Variants in ENTPD6 observed in about 807,000 individuals in gnomAD.
The protein encoded by ENTPD6 is ectonucleoside triphosphate diphosphohydrolase 6, also known as CD39 antigen-like 2.
Under a neutral mutation model 61.5 loss-of-function variants are expected in ENTPD6, and 46 were observed. The observed-to-expected ratio is 0.75, with a 90% confidence interval of 0.59 to 0.96. The LOEUF (loss-of-function observed/expected upper bound fraction) is 0.96, where lower values mean the gene tolerates loss of function less well. Ranked by LOEUF, ENTPD6 falls within the 40% of genes least tolerant of loss-of-function variation. The pLI, the probability that ENTPD6 is intolerant of heterozygous loss-of-function variation, is 0.00. For synonymous variants in ENTPD6, 252 were observed against 255.5 expected (o/e 0.99, Z 0.13); for missense variants, 612 against 629.0 (o/e 0.97, Z 0.29).
rs115039993 is a variant in ENTPD6, at chr20:25,225,076, G to A, written c.1244-129G>A. 3.3e-3 allele frequency: 4,649 copies of A among 1,423,288 alleles called. 94 individuals are homozygous for A. The African/African-American group carries it at 0.051, about 16-fold the overall frequency. The allele number at this position is 1,423,288 out of a possible 1,614,324, so 88.2% of individuals were successfully genotyped here. ...CTGGGTGCCTTCTGCGCTCAGCTGCGGCCTTGTCTGTGAATCCGGAGTGCG... is the reference window on the plus strand; with the variant it reads ...CTGGGTGCCTTCTGCGCTCAGCTGCAGCCTTGTCTGTGAATCCGGAGTGCG... On this transcript the variant is annotated intron_variant, in intron 13 of 14. Transcript: ENST00000376652.
intron 10 of ENTPD6, among the ~76,000 whole-genome samples, chr20:25,218,891 A>C (rs995220807): frequency 6.6e-6 from 1 of 152,098 alleles, no homozygotes; most frequent in African/African-American, 2.4e-5. Context: ...TTCTTTCTTT[A>C]TTTTGAGACA....
intron 10 of ENTPD6, among the ~76,000 whole-genome samples, chr20:25,220,527 C>T (rs1380811774): frequency 6.6e-6 from 1 of 152,184 alleles, no homozygotes; most frequent in Admixed American, 6.5e-5. Context: ...TCCTGAGGGT[C>T]TGTGCACGTG....
rs757065847 is a variant in ENTPD6, at chr20:25,213,366, G to A, written c.557G>A (p.Arg186His). The A allele has an allele frequency of 1.3e-5, 21 of 1,613,728 alleles. No homozygotes were observed. The highest frequency in any genetic ancestry group is 1.0e-4 in the Admixed American group (6 of 59,962). ...GTCCTCAAGGCCACAGCTGGCTTACGCCTGTTACCTGGAGAAAAGGCCCAG... is the reference window on the plus strand; with the variant it reads ...GTCCTCAAGGCCACAGCTGGCTTACACCTGTTACCTGGAGAAAAGGCCCAG... Reference protein sequence around the residue: ...PLVLKATAGLRLLPGEKAQKL... With the variant: ...PLVLKATAGLHLLPGEKAQKL... The change falls in exon 5 of 15, where the codon CGC becomes CAC. Residue 186 changes from arginine to histidine, a missense_variant. By Grantham distance (29) the Arg-to-His change is conservative. Coordinates refer to ENST00000376652, the MANE Select transcript of ENTPD6 (RefSeq NM_001247.5).
At position 25,225,300 on chromosome 20, in the gene ENTPD6, A is replaced by C; in HGVS notation, c.1339A>C (p.Arg447=). 1 of 1,613,174 alleles carries C rather than the reference A, an allele frequency of 6.2e-7. No homozygotes were observed. Among genetic ancestry groups the C allele is most frequent in the Non-Finnish European group, 8.5e-7 (1 of 1,179,930 alleles). Residue 447 remains arginine (R), a synonymous_variant, in exon 14 of 15, where the codon AGG becomes CGG. Coordinates refer to ENST00000376652, the MANE Select transcript of ENTPD6 (RefSeq NM_001247.5). The part of the protein sequence containing the change: ...SLLLQEFGFP[R]SKVLKLTRKI... ...GCTACTCCAGGAGTTCGGCTTTCCC[A>C]GGAGCAAAGTGCTGAAGGTAAGGGT...
intron 3 of ENTPD6, among the ~76,000 whole-genome samples, chr20:25,208,657 T>C (rs1048963020): frequency 6.6e-6 from 1 of 152,328 alleles, no homozygotes; most frequent in African/African-American, 2.4e-5. Context: ...TGCCTCCTTA[T>C]TGTAAGCACA....
chr20:25,207,608 G>A (rs1358090986), intron 3 of ENTPD6, among the ~76,000 whole-genome samples: 1 of 152,236 alleles, frequency 6.6e-6, no homozygotes, highest in African/African-American at 2.4e-5. Flanking sequence ...CTGAAGGGCA[G>A]CTGAGACCTT....
intron 3 of ENTPD6, 54 bp from the exon 4 acceptor site, chr20:25,209,795 T>A: frequency 6.9e-7 from 1 of 1,448,918 alleles, no homozygotes; most frequent in Non-Finnish European, 9.7e-7. Context: ...TGATTGTATG[T>A]GTTCTCCTGT....
intron 4 of ENTPD6, among the ~76,000 whole-genome samples, chr20:25,211,826 C>T (rs1025646745): frequency 6.6e-6 from 1 of 152,112 alleles, no homozygotes. Context: ...TTTTTTTCCC[C>T]GAGATGAGGT....
intron 5 of ENTPD6, among the ~76,000 whole-genome samples, 173 bp downstream of exon 5, chr20:25,213,579 C>T: frequency 6.6e-6 from 1 of 152,216 alleles, no homozygotes. Flanking sequence ...ATGCTTTGTT[C>T]CTTGTGACAT....
intron 4 of ENTPD6, among the ~76,000 whole-genome samples, chr20:25,210,221 C>T (rs377053522): frequency 5.9e-5 from 9 of 152,206 alleles, no homozygotes; most frequent in African/African-American, 2.2e-4. Flanking sequence ...TGCAAACTTA[C>T]AAAAATCATT....
chr20:25,216,715 C>T lies in ENTPD6; in HGVS notation c.777C>T (p.Ile259=), dbSNP rs769917395. ...MLDLGGGSTQ[I]AFLPRVEGTL... is the part of the protein sequence containing the mutation. Reference sequence around the variant, plus strand: ...ACTTGGGCGGAGGATCCACTCAGATCGCCTTCCTGCCACGCGTGGAGGTAA... The same window carrying T: ...ACTTGGGCGGAGGATCCACTCAGATTGCCTTCCTGCCACGCGTGGAGGTAA... The change falls in exon 8 of 15, where the codon ATC becomes ATT. Residue 259 remains isoleucine (I), a synonymous_variant. Coordinates refer to ENST00000376652, the MANE Select transcript of ENTPD6 (RefSeq NM_001247.5). 25 of 1,602,490 alleles carry T rather than the reference C, an allele frequency of 1.6e-5. No individual in the cohort carries two copies. Among genetic ancestry groups the T allele is most frequent in the East Asian group, 2.2e-5 (1 of 44,502 alleles).
At chr20:25,216,504 G>A in intron 7 of ENTPD6, 144 bp from the exon 8 acceptor site, 1 of 628,484 alleles carries the variant, frequency 1.6e-6, no homozygotes, top group South Asian at 1.9e-5. Flanking sequence ...GATATATAGT[G>A]TACCCTTAAA....
intron 1 of ENTPD6, among the ~76,000 whole-genome samples, chr20:25,197,756 T>G (rs1276740591): frequency 1.3e-5 from 2 of 152,236 alleles, no homozygotes; most frequent in Non-Finnish European, 1.5e-5. Flanking sequence ...GGTTCTGTGC[T>G]CTCTCAGTAC....
chr20:25,215,539 T>G, intron 6 of ENTPD6, 137 bp from the exon 7 acceptor site: 8 of 813,236 alleles, frequency 9.8e-6, no homozygotes, highest in Non-Finnish European at 1.7e-5. Context: ...TCTCTGCCGA[T>G]GATCTGAAGG....
intron 5 of ENTPD6, among the ~76,000 whole-genome samples, chr20:25,213,825 C>T (rs1483243575): frequency 1.3e-5 from 2 of 152,252 alleles, no homozygotes; most frequent in Non-Finnish European, 2.9e-5. Context: ...TGGCGCATGC[C>T]TGTCATCCCA....
chr20:25,214,136 C>T (rs1048495367), intron 5 of ENTPD6, among the ~76,000 whole-genome samples: 1 of 152,164 alleles, frequency 6.6e-6, no homozygotes, highest in African/African-American at 2.4e-5. Context: ...AGTCCCAGCA[C>T]GTCAGGGCCA....
At chr20:25,221,916 AG>A (rs2092647734) in intron 11 of ENTPD6, 1 of 175,578 alleles carries the variant, frequency 5.7e-6, no homozygotes, top group Admixed American at 5.7e-5. Context: ...CAGGCACAGC[AG>A]GACTGCACAG....
At chr20:25,223,974 G>A (rs903566094) in intron 12 of ENTPD6, 127 bp from the exon 13 acceptor site, 45 of 783,534 alleles carry the variant, frequency 5.7e-5, no homozygotes, top group Non-Finnish European at 4.9e-5. Context: ...ACAGCTGGAG[G>A]GCCTGCCTCA....
intron 4 of ENTPD6, among the ~76,000 whole-genome samples, chr20:25,211,928 C>T (rs1050851059): frequency 6.6e-6 from 1 of 152,148 alleles, no homozygotes; most frequent in Non-Finnish European, 1.5e-5. Context: ...GCCACCTCAG[C>T]CTCCCAAGTA....
Sources: allele counts gnomAD v4.1 joint callset (sites outside exome capture counted in the v4.1 genomes callset), GRCh38; gene constraint gnomAD v4.1.1; transcripts MANE v1.5; gene names NCBI Gene and HGNC (gene_info 2026-07-23, HGNC 2026-07-21).